The following DPP10 variants were observed in gnomAD, a reference collection of about 807,000 sequenced individuals.
DPP10 encodes inactive dipeptidyl peptidase 10.
In DPP10, 33 loss-of-function variants were observed where a neutral mutation model predicts 120.9. That is an observed-to-expected ratio of 0.27 (90% CI 0.21 to 0.37). The LOEUF is 0.37. Ranked by LOEUF, DPP10 falls within the 10% of genes least tolerant of loss-of-function variation. The pLI, the probability that DPP10 is intolerant of heterozygous loss-of-function variation, is 1.00. For synonymous variants in DPP10, 337 were observed against 326.1 expected (o/e 1.03, Z -0.36); for missense variants, 816 against 942.8 (o/e 0.87, Z 1.76).
chr2:115,815,226 G>T (rs1212097512), intron 20 of DPP10, among the ~76,000 whole-genome samples: 1 of 151,944 alleles, frequency 6.6e-6, no homozygotes, highest in African/African-American at 2.4e-5. Flanking sequence ...TATGGAAGTT[G>T]GATACATTTT....
At chr2:115,033,492 C>T (rs755036132) in intron 1 of DPP10, among the ~76,000 whole-genome samples, 3 of 152,130 alleles carry the variant, frequency 2.0e-5, no homozygotes, top group Non-Finnish European at 4.4e-5. Flanking sequence ...AGCTCCAACT[C>T]CTTCCTCTGT....
chr2:114,718,922 T>C (rs1340898802), intron 1 of DPP10, among the ~76,000 whole-genome samples: 2 of 152,192 alleles, frequency 1.3e-5, no homozygotes, highest in African/African-American at 4.8e-5. Context: ...GTGACACACA[T>C]TCTCAAATGT....
At chr2:114,968,809 C>T (rs1054315678) in intron 1 of DPP10, among the ~76,000 whole-genome samples, 1 of 152,104 alleles carries the variant, frequency 6.6e-6, no homozygotes, top group African/African-American at 2.4e-5. Flanking sequence ...TTTTTCCAAC[C>T]ATTCAGATTC....
At chr2:114,899,830 G>C (rs1184084928) in intron 1 of DPP10, among the ~76,000 whole-genome samples, 1 of 152,134 alleles carries the variant, frequency 6.6e-6, no homozygotes, top group Non-Finnish European at 1.5e-5. Flanking sequence ...CTTGGTGGCG[G>C]GTGCCTGTGG....
chr2:115,837,651 C>T (rs1336475035), intron 24 of DPP10, among the ~76,000 whole-genome samples: 2 of 152,082 alleles, frequency 1.3e-5, no homozygotes, highest in African/African-American at 4.8e-5. Context: ...TCAACAGTGA[C>T]AAGTCATGTT....
intron 1 of DPP10, among the ~76,000 whole-genome samples, chr2:114,736,362 G>C (rs1677437022): frequency 6.6e-6 from 1 of 152,064 alleles, no homozygotes; most frequent in Admixed American, 6.6e-5. Context: ...CCACTGCCTA[G>C]CATGATTCCT....
chr2:114,985,959 C>T (rs1485427019), intron 1 of DPP10, among the ~76,000 whole-genome samples: 1 of 152,064 alleles, frequency 6.6e-6, no homozygotes, highest in Non-Finnish European at 1.5e-5. Flanking sequence ...TTAGAATGCA[C>T]AAGTAAGTGG....
intron 1 of DPP10, among the ~76,000 whole-genome samples, chr2:114,569,970 G>A (rs1319306284): frequency 6.6e-6 from 1 of 152,128 alleles, no homozygotes; most frequent in Non-Finnish European, 1.5e-5. Context: ...TAGGAGGCAG[G>A]AGGGAGAATG....
chr2:115,489,088 G>A (rs1390335052), intron 3 of DPP10, among the ~76,000 whole-genome samples: 1 of 151,934 alleles, frequency 6.6e-6, no homozygotes, highest in Non-Finnish European at 1.5e-5. Flanking sequence ...CAATTAATAG[G>A]CTAACACAGA....
intron 1 of DPP10, among the ~76,000 whole-genome samples, chr2:115,005,026 T>G (rs1037967987): frequency 3.3e-5 from 5 of 151,806 alleles, no homozygotes; most frequent in African/African-American, 7.3e-5. Context: ...GATCTGACAA[T>G]GGGCAGACTG....
At chr2:115,508,273 A>G (rs1223854046) in intron 4 of DPP10, among the ~76,000 whole-genome samples, 1 of 152,132 alleles carries the variant, frequency 6.6e-6, no homozygotes, top group Non-Finnish European at 1.5e-5. Context: ...ATTTGATTCA[A>G]TGACTCCATA....
At chr2:115,009,460 G>A (rs1573285014) in intron 1 of DPP10, among the ~76,000 whole-genome samples, 1 of 152,056 alleles carries the variant, frequency 6.6e-6, no homozygotes, top group Admixed American at 6.5e-5. Context: ...GATAGCATTG[G>A]GAGATATACC....
chr2:114,724,886 GT>G (rs1429023184), intron 1 of DPP10, among the ~76,000 whole-genome samples: 1 of 152,134 alleles, frequency 6.6e-6, no homozygotes, highest in African/African-American at 2.4e-5. Flanking sequence ...AGAGTGTGGG[GT>G]TTTTTTGTTT....
At chr2:115,228,243 G>A (rs1034724169) in intron 1 of DPP10, among the ~76,000 whole-genome samples, 6 of 151,876 alleles carry the variant, frequency 4.0e-5, no homozygotes, top group Admixed American at 1.3e-4. Context: ...CACTGCACCC[G>A]GCCCTATACA....
rs1573793429 is a variant in DPP10, at chr2:114,613,811, C to T, written c.60+170973C>T. On this transcript the variant is annotated intron_variant, in intron 1 of 25. Transcript: ENST00000410059. ...CCATAAAAAAGAATGAGTTCACATC[C>T]TTTGCAGGGACATGGATGAAGCTGG... is the stretch of plus-strand genomic sequence containing the variant. Among the ~76,000 whole-genome samples the T allele has an allele frequency of 3.3e-5, 5 of 152,244 alleles. No individual in the cohort carries two copies. In the South Asian group the frequency reaches 8.3e-4, roughly 25 times the overall value.
intron 3 of DPP10, among the ~76,000 whole-genome samples, chr2:115,413,928 T>G (rs1233153145): frequency 6.6e-6 from 1 of 152,144 alleles, no homozygotes; most frequent in Non-Finnish European, 1.5e-5. Flanking sequence ...TTTTTTCCAC[T>G]TGGTTTTCTC....
chr2:115,408,868 T>G (rs1559558304), intron 3 of DPP10, among the ~76,000 whole-genome samples: 2 of 152,066 alleles, frequency 1.3e-5, no homozygotes, highest in East Asian at 3.9e-4. Context: ...CATAAAAAAT[T>G]TAATGTTAAG....
At chr2:115,440,261 G>A (rs1471506686) in intron 3 of DPP10, among the ~76,000 whole-genome samples, 3 of 151,878 alleles carry the variant, frequency 2.0e-5, no homozygotes, top group African/African-American at 7.3e-5. Context: ...AAATACATTT[G>A]TTTTTCATTA....
At chr2:115,471,492 C>T (rs1018040671) in intron 3 of DPP10, among the ~76,000 whole-genome samples, 4 of 152,168 alleles carry the variant, frequency 2.6e-5, no homozygotes, top group African/African-American at 9.7e-5. Flanking sequence ...TCTCCTTCCA[C>T]CACCGGCTTC....
Sources: allele counts gnomAD v4.1 joint callset (sites outside exome capture counted in the v4.1 genomes callset), GRCh38; gene constraint gnomAD v4.1.1; transcripts MANE v1.5; gene names NCBI Gene and HGNC (gene_info 2026-07-23, HGNC 2026-07-21).